HMCN1: variants seen among roughly 807,000 people sequenced by gnomAD.
HMCN1 encodes hemicentin 1.
In HMCN1, 321 loss-of-function variants were observed where a neutral mutation model predicts 625.9. The observed-to-expected ratio is 0.51, with a 90% CI of 0.47 to 0.56. The LOEUF is 0.56. Ranked by LOEUF, HMCN1 falls within the 20% of genes least tolerant of loss-of-function variation. HMCN1 has a pLI of 0.00. For missense variants in HMCN1, 6,588 were observed against 6,887.3 expected, an observed-to-expected ratio of 0.96 and a Z score of 1.54; for synonymous variants, 2,425 against 2,417.6, an observed-to-expected ratio of 1.00 and a Z score of -0.09.
chr1:186,090,720 G>C, intron 63 of HMCN1, 38 bp from the exon 64 acceptor site: 1 of 1,606,636 alleles, frequency 6.2e-7, no homozygotes, highest in Non-Finnish European at 8.5e-7. Context: ...TTTATATCCT[G>C]TGTCTTGTTA....
At chr1:185,818,232 T>A (rs574450765) in intron 1 of HMCN1, among the ~76,000 whole-genome samples, 10 of 152,344 alleles carry the variant, frequency 6.6e-5, no homozygotes, top group African/African-American at 2.4e-4. Flanking sequence ...TGAAATTGAT[T>A]ACCTAAGTTG....
rs74135348 is a variant in HMCN1, at chr1:185,804,459, A to G, written c.269-41567A>G. Among the ~76,000 whole-genome samples, 1,407 of 152,218 alleles carry G rather than the reference A, an allele frequency of 9.2e-3. 21 individuals carry two copies. The highest frequency in any genetic ancestry group is 0.031 in the African/African-American group (1,272 of 41,560). ...TGAGAGTGCTTCACTGACTAAAGGA[A>G]AAGGAAGCCTGATTTACTTTAATAC... On this transcript the variant is annotated intron_variant, in intron 1 of 106. Transcript: ENST00000271588.
chr1:185,770,681 G>A (rs1312235492), intron 1 of HMCN1, among the ~76,000 whole-genome samples: 1 of 152,158 alleles, frequency 6.6e-6, no homozygotes, highest in African/African-American at 2.4e-5. Context: ...ATGGCAGTGT[G>A]AGAATATGCC....
At chr1:185,919,693 G>A (rs1044260823) in intron 6 of HMCN1, among the ~76,000 whole-genome samples, 13 of 152,234 alleles carry the variant, frequency 8.5e-5, no homozygotes, top group South Asian at 4.2e-4. Context: ...TGAGAAACGC[G>A]TGGGGTAGCT....
chr1:186,123,361 G>A (rs1444533242), intron 81 of HMCN1, 141 bp downstream of exon 81: 2 of 985,446 alleles, frequency 2.0e-6, no homozygotes, highest in Non-Finnish European at 3.1e-6. Flanking sequence ...GTGTGTAGGT[G>A]CACTTCAAAT....
intron 5 of HMCN1, 21 bp downstream of exon 5, chr1:185,909,529 C>CAT (rs754066245): frequency 4.4e-6 from 7 of 1,600,006 alleles, no homozygotes; most frequent in Middle Eastern, 1.7e-4. Flanking sequence ...TCAAACATCA[C>CAT]ATAATAAAAT....
intron 11 of HMCN1, among the ~76,000 whole-genome samples, chr1:185,956,003 G>A (rs1649601852): frequency 2.0e-5 from 3 of 151,940 alleles, no homozygotes; most frequent in South Asian, 4.2e-4. Context: ...TCTGATATTG[G>A]TCTCTTTGTT....
chr1:185,978,013 A>G, intron 16 of HMCN1, 32 bp downstream of exon 16: 2 of 1,420,056 alleles, frequency 1.4e-6, no homozygotes, highest in Non-Finnish European at 9.9e-7. Context: ...TTGTACGAAT[A>G]TGTACTTTTA....
chr1:185,760,888 G>A (rs1242236858), intron 1 of HMCN1, among the ~76,000 whole-genome samples: 1 of 152,126 alleles, frequency 6.6e-6, no homozygotes, highest in Non-Finnish European at 1.5e-5. Flanking sequence ...TGGAGTCCCA[G>A]GAAGGTGAAG....
At chr1:185,798,891 T>G (rs189310809) in intron 1 of HMCN1, among the ~76,000 whole-genome samples, 1 of 152,158 alleles carries the variant, frequency 6.6e-6, no homozygotes, top group Non-Finnish European at 1.5e-5. Context: ...GAATTTTATT[T>G]TGATTAGGAC....
intron 29 of HMCN1, among the ~76,000 whole-genome samples, chr1:186,004,680 G>A (rs1415567744): frequency 2.0e-5 from 3 of 152,110 alleles, no homozygotes; most frequent in African/African-American, 4.8e-5. Context: ...GTGCTCTGAT[G>A]GGGAGGATGT....
chr1:186,039,038 G>T (rs1656025782), intron 38 of HMCN1, 33 bp downstream of exon 38: 1 of 1,429,006 alleles, frequency 7.0e-7, no homozygotes, highest in Non-Finnish European at 9.9e-7. Flanking sequence ...TCATTCTGGG[G>T]TAAAGAAGCA....
Position 186,039,888 on chromosome 1 carries a change from A to G in HMCN1, c.6180+9A>G. The stretch of plus-strand genomic sequence containing the variant: ...TTTCTAATGGATTACAGGTACCTTC[A>G]TTCATTTCTTTGGTGACATTTACCA... On this transcript the variant is annotated intron_variant, in intron 39 of 106. Transcript: ENST00000271588. The G allele has an allele frequency of 6.2e-7, 1 of 1,612,508 alleles. No individual in the cohort carries two copies. Among genetic ancestry groups the G allele is most frequent in the Non-Finnish European group, 8.5e-7 (1 of 1,178,770 alleles).
At chr1:185,802,947 G>A (rs978779599) in intron 1 of HMCN1, among the ~76,000 whole-genome samples, 2 of 151,986 alleles carry the variant, frequency 1.3e-5, no homozygotes, top group Non-Finnish European at 2.9e-5. Context: ...AGCTTTAAAA[G>A]CTATGGAAAA....
At chr1:185,833,213 G>A (rs57647869) in intron 1 of HMCN1, among the ~76,000 whole-genome samples, 4,699 of 152,220 alleles carry the variant, frequency 0.031, 258 homozygotes, top group African/African-American at 0.11. Flanking sequence ...GATAATGTTC[G>A]ATTCTATTCC....
chr1:185,803,205 C>CAAAAAAAAAAAAAAAAA, intron 1 of HMCN1, among the ~76,000 whole-genome samples: 483 of 58,718 alleles, frequency 8.2e-3, no homozygotes, highest in Non-Finnish European at 0.013. Context: ...AAAAAAAAAG[C>CAAAAAAAAAAAAAAAAA]AAAAAAAAAA....
intron 1 of HMCN1, among the ~76,000 whole-genome samples, chr1:185,816,402 G>A (rs1571395084): frequency 6.6e-6 from 1 of 152,272 alleles, no homozygotes; most frequent in Middle Eastern, 3.4e-3. Flanking sequence ...CATAACCATA[G>A]CTTGATCACA....
At chr1:185,800,902 C>T (rs1571371419) in intron 1 of HMCN1, among the ~76,000 whole-genome samples, 1 of 152,244 alleles carries the variant, frequency 6.6e-6, no homozygotes, top group Middle Eastern at 3.4e-3. Flanking sequence ...AAGTAAACCA[C>T]TGTTTTTAAT....
intron 4 of HMCN1, among the ~76,000 whole-genome samples, chr1:185,868,504 A>G (rs940463554): frequency 6.6e-6 from 1 of 152,098 alleles, no homozygotes; most frequent in African/African-American, 2.4e-5. Flanking sequence ...TGATGGTTTT[A>G]TAAGGGGCCT....
Sources: allele counts gnomAD v4.1 joint callset (sites outside exome capture counted in the v4.1 genomes callset), GRCh38; gene constraint gnomAD v4.1.1; transcripts MANE v1.5; gene names NCBI Gene and HGNC (gene_info 2026-07-23, HGNC 2026-07-21).